HEPH: variants seen among roughly 807,000 people sequenced by gnomAD.
HEPH encodes the protein hephaestin.
HEPH carries 69 observed loss-of-function variants against 80.8 expected under a neutral mutation model. That is an observed-to-expected ratio of 0.85 (90% confidence interval 0.70 to 1.04). The LOEUF is 1.04. HEPH is among the 50% of genes least tolerant of loss of function. The pLI is 0.00. For missense variants in HEPH, 1,115 were observed against 891.3 expected, an observed-to-expected ratio of 1.25 and a Z score of -3.20; for synonymous variants, 431 against 322.8, an observed-to-expected ratio of 1.34 and a Z score of -3.60.
At chrX:66,190,737 G>A (rs988715704) in intron 6 of HEPH, among the ~76,000 whole-genome samples, 3 of 111,782 alleles carry the variant, frequency 2.7e-5, no homozygotes, top group African/African-American at 6.5e-5. Flanking sequence ...ATTTTAGTAG[G>A]TTAGGAGTTG....
At position 66,188,534 on chromosome X, in the gene HEPH, G is replaced by T. The variant is rs773393350; in HGVS notation, c.801G>T (p.Arg267Ser). The T allele has an allele frequency of 1.7e-5, 20 of 1,202,413 alleles. No homozygotes were observed. Among genetic ancestry groups the T allele is most frequent in the Non-Finnish European group, 1.6e-5 (14 of 890,619 alleles). The change falls in exon 5 of 21, where the codon AGG becomes AGT. Residue 267 changes from arginine (R) to serine (S), a missense_variant. By Grantham distance (110) the Arg-to-Ser change is moderately radical. Coordinates refer to ENST00000343002, the MANE Select transcript of HEPH (RefSeq NM_001367233.3). ...KEDETFQESN[R>S]MHAINGFVFG... is the part of the protein sequence containing the mutation. The stretch of plus-strand genomic sequence containing the variant: ...ATGAGACATTTCAGGAGAGCAATAG[G>T]ATGCATGGTGAGTTGGGAAAAGGTG...
In HEPH at chrX:66,208,220, C is replaced by T. The variant is rs768917948; in HGVS notation, c.2537C>T (p.Thr846Ile). The change falls in exon 15 of 21, where the codon ACT (threonine) becomes ATT (isoleucine). Residue 846 changes from threonine to isoleucine, a missense_variant. Physicochemically the swap from Thr to Ile is moderately conservative, Grantham distance 89. This residue lies in a region of HEPH where 716 missense variants were observed against 523.5 expected (regional missense o/e 1.37). Transcript: ENST00000343002. ...GCTCATGGAGTGCTAGAATCTACTA[C>T]TGTCTGGCCACTGGCTGCTGAGCCT... ...VHAHGVLEST[T>I]VWPLAAEPGE... 1 of 1,208,723 alleles carries T rather than the reference C, an allele frequency of 8.3e-7. No individual in the cohort carries two copies. Among genetic ancestry groups the T allele is most frequent in the South Asian group, 1.8e-5 (1 of 56,349 alleles).
intron 9 of HEPH, among the ~76,000 whole-genome samples, chrX:66,197,042 T>A (rs951734243): frequency 9.0e-6 from 1 of 110,977 alleles, no homozygotes; most frequent in Non-Finnish European, 1.9e-5. Context: ...AAATCTTTGC[T>A]AAATTAATTT....
rs752509510 is a variant in HEPH, at chrX:66,241,147, A to G, written c.2564-13888A>G. On this transcript the variant is annotated intron_variant, in intron 15 of 20. Transcript: ENST00000343002. The stretch of plus-strand genomic sequence containing the variant: ...AAATAAAAAACCACTACCATCCACG[A>G]CAAACACCAACTTACATGAATAGTC... Among the ~76,000 whole-genome samples, 3 of 112,483 alleles carry G rather than the reference A, an allele frequency of 2.7e-5. No homozygotes were observed. In the East Asian group the frequency reaches 8.4e-4, roughly 31 times the overall value.
chrX:66,198,627 A>C (rs190375334), intron 10 of HEPH, among the ~76,000 whole-genome samples: 4 of 109,245 alleles, frequency 3.7e-5, no homozygotes, highest in Non-Finnish European at 7.6e-5. Flanking sequence ...TTCTTATCCT[A>C]TGCTCCTTCC....
In HEPH at chrX:66,189,735, A is replaced by C; in HGVS notation, c.860A>C (p.Gln287Pro). 1 of 1,211,190 alleles carries C rather than the reference A, an allele frequency of 8.3e-7. No homozygotes were observed. Among genetic ancestry groups the C allele is most frequent in the East Asian group, 3.0e-5 (1 of 33,862 alleles). ...TTACCTGAGCTGAACATGTGTGCAC[A>C]GAAACGTGTGGCCTGGCACTTGTTT... is the stretch of plus-strand genomic sequence containing the variant. ...GNLPELNMCA[Q>P]KRVAWHLFGM... is the part of the protein sequence containing the mutation. The change falls in exon 6 of 21, where the codon CAG becomes CCG. Residue 287 changes from glutamine to proline, a missense_variant. By Grantham distance (76) the Gln-to-Pro change is moderately conservative. Coordinates refer to ENST00000343002, the MANE Select transcript of HEPH (RefSeq NM_001367233.3).
At chrX:66,240,003 A>C (rs945067406) in intron 15 of HEPH, among the ~76,000 whole-genome samples, 1 of 111,844 alleles carries the variant, frequency 8.9e-6, no homozygotes, top group African/African-American at 3.2e-5. Flanking sequence ...TGAGAAACAA[A>C]CACATCAAAC....
rs2088006141 is a variant in HEPH at position 66,195,005 on chromosome X, A to T, written c.1370-93A>T. 16 of 729,871 alleles carry T rather than the reference A, an allele frequency of 2.2e-5. No homozygotes were observed. In the South Asian group the frequency reaches 6.5e-4, roughly 30 times the overall value. The allele number at this position is 729,871 out of a possible 1,213,427, so 60.1% of individuals were successfully genotyped here. On this transcript the variant is annotated intron_variant, in intron 8 of 20. Transcript: ENST00000343002. Reference sequence around the variant, plus strand: ...GTTTTTTATTTTCTTCTTCACTTTCACTTTCCTTTTCTTTCCCTCCCTCTT... The same window carrying T: ...GTTTTTTATTTTCTTCTTCACTTTCTCTTTCCTTTTCTTTCCCTCCCTCTT...
chrX:66,174,156 G>A (rs1441703323), intron 4 of HEPH, among the ~76,000 whole-genome samples: 2 of 109,055 alleles, frequency 1.8e-5, no homozygotes, highest in African/African-American at 3.3e-5. Flanking sequence ...TTTATCCCTC[G>A]TGCCCCCCCA....
intron 4 of HEPH, among the ~76,000 whole-genome samples, chrX:66,175,922 T>C (rs1267103575): frequency 9.0e-6 from 1 of 111,545 alleles, no homozygotes; most frequent in Non-Finnish European, 1.9e-5. Context: ...TGGAGGAGTC[T>C]TTAGGGTTTT....
At chrX:66,217,245 T>C (rs1051473027) in intron 15 of HEPH, among the ~76,000 whole-genome samples, 1 of 110,467 alleles carries the variant, frequency 9.1e-6, no homozygotes, top group African/African-American at 3.3e-5. Context: ...TTATCTAAAG[T>C]CAAAACTAAG....
chrX:66,195,266 G>A lies in HEPH; in HGVS notation c.1501+37G>A, dbSNP rs776416622. The A allele has an allele frequency of 2.6e-5, 28 of 1,068,650 alleles. 2 individuals are homozygous for A. The South Asian group carries it at 7.8e-4, about 30-fold the overall frequency. 88.1% of individuals were successfully genotyped at this position (1,068,650 alleles called of 1,213,427 possible). ...GGGTTTCTAGTAAATGTGGGCTCTA[G>A]GTGGTACCATGTGTCTCTAGAAAAC... On this transcript the variant is annotated intron_variant, in intron 9 of 20. Coordinates refer to ENST00000343002, the MANE Select transcript of HEPH (RefSeq NM_001367233.3).
downstream of HEPH, chrX:66,267,834 G>A (rs1602601515): frequency 1.8e-5 from 2 of 110,966 alleles, no homozygotes; most frequent in Non-Finnish European, 3.8e-5. Flanking sequence ...GCCAAATATT[G>A]GTTAGAGAGC....
intron 15 of HEPH, among the ~76,000 whole-genome samples, chrX:66,231,640 T>C (rs1272869604): frequency 1.8e-5 from 2 of 109,820 alleles, no homozygotes; most frequent in African/African-American, 6.6e-5. Context: ...ATCCTGAGAC[T>C]TTGCTGAAGT....
intron 4 of HEPH, among the ~76,000 whole-genome samples, chrX:66,186,219 G>T (rs1359678180): frequency 1.0e-5 from 1 of 100,149 alleles, no homozygotes; most frequent in East Asian, 3.1e-4. Context: ...CTTGAGCTGT[G>T]GTGGGCTCCC....
chrX:66,170,506 C>T (rs2086546003), intron 1 of HEPH, 52 bp from the exon 2 acceptor site: 1 of 1,080,885 alleles, frequency 9.3e-7, no homozygotes, highest in Non-Finnish European at 1.3e-6. Context: ...CGTAGAAAGC[C>T]CCTTTGTTCT....
At chrX:66,206,012 T>G (rs1162298526) in intron 13 of HEPH, among the ~76,000 whole-genome samples, 2 of 111,001 alleles carry the variant, frequency 1.8e-5, no homozygotes, top group African/African-American at 6.6e-5. Context: ...TGCAATTGAT[T>G]GCACCTCTGG....
chrX:66,222,250 G>A (rs1045320115), intron 15 of HEPH, among the ~76,000 whole-genome samples: 8 of 112,756 alleles, frequency 7.1e-5, no homozygotes. Flanking sequence ...TGACCCGCAG[G>A]GTGCCAGACT....
Position 66,266,704 on chromosome X carries a change from A to C in HEPH, c.*32A>C, listed in dbSNP as rs765218019. The stretch of plus-strand genomic sequence containing the variant: ...GAGCCTGGAGATATCCTCAGGAAGC[A>C]CATCTGTAGTGCACTCCCAGCAGGC... On this transcript the variant is annotated 3_prime_UTR_variant, in exon 21 of 21. Transcript: ENST00000343002. The C allele has an allele frequency of 1.9e-6, 2 of 1,047,173 alleles. No individual in the cohort carries two copies. Among genetic ancestry groups the C allele is most frequent in the Admixed American group, 2.3e-5 (1 of 44,216 alleles). 86.3% of individuals were successfully genotyped at this position (1,047,173 alleles called of 1,213,427 possible).
Sources: allele counts gnomAD v4.1 joint callset (sites outside exome capture counted in the v4.1 genomes callset), GRCh38; gene constraint gnomAD v4.1.1; regional missense constraint gnomAD v4.1.1; transcripts MANE v1.5; gene names NCBI Gene and HGNC (gene_info 2026-07-23, HGNC 2026-07-21).